Variants in GAREM1 observed in about 807,000 individuals in gnomAD.
GAREM1 encodes the protein GRB2-associated and regulator of MAPK protein 1.
Under a neutral mutation model 71.3 loss-of-function variants are expected in GAREM1, and 26 were observed. The ratio of observed to expected loss-of-function variants is 0.36; its 90% CI spans 0.27 to 0.51. GAREM1 has a LOEUF of 0.51. Among genes scored for constraint, GAREM1 ranks in the 20% least tolerant of loss-of-function variants. The pLI, the probability that GAREM1 is intolerant of heterozygous loss-of-function variation, is 0.95. For synonymous variants in GAREM1, 440 were observed against 433.2 expected, an observed-to-expected ratio of 1.02 and a Z score of -0.20; for missense variants, 1,026 against 1,103.1, an observed-to-expected ratio of 0.93 and a Z score of 0.99.
chr18:32,268,791 G>T, intron 5 of GAREM1, 23 bp from the exon 6 acceptor site: 10 of 1,594,348 alleles, frequency 6.3e-6, no homozygotes, highest in Non-Finnish European at 8.6e-6. Flanking sequence ...CACAGAAGGA[G>T]AAATCAGTTA....
intron 2 of GAREM1, among the ~76,000 whole-genome samples, chr18:32,333,983 G>C (rs371314347): frequency 3.4e-4 from 52 of 152,290 alleles, no homozygotes; most frequent in African/African-American, 1.3e-3. Flanking sequence ...CCAGCCCCTA[G>C]ATGGCTCCGG....
chr18:32,339,139 C>T (rs1260969835), intron 2 of GAREM1, among the ~76,000 whole-genome samples: 3 of 152,208 alleles, frequency 2.0e-5, no homozygotes, highest in Admixed American at 1.3e-4. Flanking sequence ...CCCTATCCTC[C>T]AACTCTGCTG....
intron 2 of GAREM1, among the ~76,000 whole-genome samples, chr18:32,386,682 A>C (rs2048149745): frequency 6.6e-6 from 1 of 152,216 alleles, no homozygotes; most frequent in Non-Finnish European, 1.5e-5. Flanking sequence ...AATTTTCATA[A>C]ACCCACTCAG....
Position 32,285,675 on chromosome 18 carries a change from C to G in GAREM1, c.1566+1356G>C, listed in dbSNP as rs935405614. On this transcript the variant is annotated intron_variant, in intron 4 of 5. Coordinates refer to ENST00000269209, the MANE Select transcript of GAREM1 (RefSeq NM_001242409.2). ...TTCTCTGTCTCTTCTGAATTCTCCA[C>G]ACATTATCTCTCTCTTGTTTTCCTA... is the stretch of plus-strand genomic sequence containing the variant. Among the ~76,000 whole-genome samples, 4 of 152,218 alleles carry G rather than the reference C, an allele frequency of 2.6e-5. No homozygotes were observed. In the South Asian group the frequency reaches 8.3e-4, roughly 32 times the overall value.
At chr18:32,443,781 AGAAAT>A (rs1352574613) in intron 1 of GAREM1, among the ~76,000 whole-genome samples, 3 of 152,204 alleles carry the variant, frequency 2.0e-5, no homozygotes, top group Non-Finnish European at 4.4e-5. Context: ...CGCATCCAAC[AGAAAT>A]GAAAACAAAT....
In GAREM1 at chr18:32,399,302, G is replaced by A. The variant is rs1599019838; in HGVS notation, c.122-6267C>T. On this transcript the variant is annotated intron_variant, in intron 1 of 5. Coordinates refer to ENST00000269209, the MANE Select transcript of GAREM1 (RefSeq NM_001242409.2). Reference sequence around the variant, plus strand: ...TCTCTCACCACTCCTATTCAACACAGTGTTGGAAGTTCTGGCCAGGGCAAT... The same window carrying A: ...TCTCTCACCACTCCTATTCAACACAATGTTGGAAGTTCTGGCCAGGGCAAT... 7.9e-5 allele frequency among the ~76,000 whole-genome samples: 12 copies of A among 152,256 alleles called. No homozygotes were observed. The South Asian group carries it at 2.5e-3, about 32-fold the overall frequency.
intron 1 of GAREM1, among the ~76,000 whole-genome samples, chr18:32,451,408 G>A (rs1018447711): frequency 6.6e-5 from 10 of 152,112 alleles, no homozygotes; most frequent in Admixed American, 4.6e-4. Context: ...AGTTGCTACT[G>A]CCACCAAATC....
At chr18:32,360,827 G>A (rs1432499408) in intron 2 of GAREM1, among the ~76,000 whole-genome samples, 2 of 152,094 alleles carry the variant, frequency 1.3e-5, no homozygotes, top group South Asian at 4.2e-4. Context: ...TTAAGAGTCT[G>A]TACCCTATTT....
At chr18:32,465,994 C>G (rs574315276) in intron 1 of GAREM1, among the ~76,000 whole-genome samples, 1 of 152,204 alleles carries the variant, frequency 6.6e-6, no homozygotes, top group East Asian at 1.9e-4. Context: ...GAGAAACAAA[C>G]AAAGGAACAA....
chr18:32,296,008 G>A (rs1309250238), intron 3 of GAREM1, among the ~76,000 whole-genome samples: 3 of 151,648 alleles, frequency 2.0e-5, no homozygotes, highest in African/African-American at 7.3e-5. Context: ...TGCCGCCCAG[G>A]CTGGAGTGCA....
chr18:32,338,328 T>G (rs981746481), intron 2 of GAREM1, among the ~76,000 whole-genome samples: 2 of 152,088 alleles, frequency 1.3e-5, no homozygotes, highest in Non-Finnish European at 2.9e-5. Context: ...AAATAAGGTG[T>G]TTGGGGGCAT....
At chr18:32,311,480 A>T (rs78333218) in intron 2 of GAREM1, among the ~76,000 whole-genome samples, 1 of 152,208 alleles carries the variant, frequency 6.6e-6, no homozygotes, top group Non-Finnish European at 1.5e-5. Flanking sequence ...ACTATAATAC[A>T]TGAGTAAGAG....
At chr18:32,396,934 C>G (rs1363607038) in intron 1 of GAREM1, among the ~76,000 whole-genome samples, 2 of 152,138 alleles carry the variant, frequency 1.3e-5, no homozygotes, top group African/African-American at 4.8e-5. Context: ...CAAAGGGAAG[C>G]CCATCAGACT....
intron 1 of GAREM1, among the ~76,000 whole-genome samples, chr18:32,398,378 G>A (rs185385887): frequency 7.9e-5 from 12 of 152,298 alleles, no homozygotes; most frequent in Non-Finnish European, 1.5e-4. Flanking sequence ...AATTCCAGGA[G>A]CTGGTTTTTT....
At chr18:32,320,092 G>C (rs2047415195) in intron 2 of GAREM1, among the ~76,000 whole-genome samples, 1 of 152,156 alleles carries the variant, frequency 6.6e-6, no homozygotes, top group Non-Finnish European at 1.5e-5. Context: ...GTCAAACTAA[G>C]AGGTCTGTGT....
chr18:32,448,496 G>A (rs977817380), intron 1 of GAREM1, among the ~76,000 whole-genome samples: 1 of 152,044 alleles, frequency 6.6e-6, no homozygotes, highest in East Asian at 1.9e-4. Flanking sequence ...CTCCATAATC[G>A]TAAAATGCAC....
rs748776838 is a variant in GAREM1 at position 32,287,859 on chromosome 18, A to G, written c.738T>C (p.Pro246=). The G allele has an allele frequency of 1.9e-6, 3 of 1,613,726 alleles. No homozygotes were observed. In the African/African-American group the frequency reaches 4.0e-5, roughly 22 times the overall value. ...GAGGGCTTGGCACAGTCACATTCAC[A>G]GGAAGCCTGGTTTTCTCCACAATGT... The part of the protein sequence containing the change: ...IRNIVEKTRL[P]VNVTVPSPPP... Residue 246 remains proline, a synonymous_variant, in exon 4 of 6, where the codon CCT becomes CCC. Coordinates refer to ENST00000269209, the MANE Select transcript of GAREM1 (RefSeq NM_001242409.2). This position sits in a 1 kb window ranked among gnomAD's most constrained non-coding sequence, Gnocchi z 5.9.
At chr18:32,404,904 T>C (rs2048351821) in intron 1 of GAREM1, among the ~76,000 whole-genome samples, 1 of 152,222 alleles carries the variant, frequency 6.6e-6, no homozygotes, top group Non-Finnish European at 1.5e-5. Flanking sequence ...ATTGTTTTTA[T>C]CTGTCACGGA....
chr18:32,307,362 ATCTT>A (rs1321977897), intron 3 of GAREM1, among the ~76,000 whole-genome samples: 1 of 152,156 alleles, frequency 6.6e-6, no homozygotes, highest in Non-Finnish European at 1.5e-5. Flanking sequence ...AAGGTTTGAA[ATCTT>A]TCTTTTAAAA....
Sources: gnomAD v4.1 joint callset for allele counts (sites outside exome capture counted in the v4.1 genomes callset) on GRCh38, gnomAD v4.1.1 for gene constraint, Gnocchi (gnomAD v3.1) non-coding constraint, MANE v1.5 for transcripts, NCBI Gene and HGNC (gene_info 2026-07-23, HGNC 2026-07-21) for gene names.